Variants in TMEM178B observed in about 807,000 individuals in gnomAD.
TMEM178B encodes transmembrane protein 178B.
Under a neutral mutation model 31.0 loss-of-function variants are expected in TMEM178B, and 5 were observed. That is an observed-to-expected ratio of 0.16 (90% CI 0.08 to 0.34). TMEM178B has a LOEUF of 0.34. Ranked by LOEUF, TMEM178B falls within the 10% of genes least tolerant of loss-of-function variation. The pLI, the probability that TMEM178B is intolerant of heterozygous loss-of-function variation, is 1.00. For synonymous variants in TMEM178B, 164 were observed against 164.0 expected, an observed-to-expected ratio of 1.00 and a Z score of 0.00; for missense variants, 275 against 400.3, an observed-to-expected ratio of 0.69 and a Z score of 2.67.
Position 141,439,288 on chromosome 7 carries a change from G to C in TMEM178B, c.634+1543G>C, listed in dbSNP as rs919484295. Among the ~76,000 whole-genome samples, 3 of 152,262 alleles carry C rather than the reference G, an allele frequency of 2.0e-5. No individual in the cohort carries two copies. The South Asian group carries it at 6.2e-4, about 32-fold the overall frequency. ...AAAAACCGTCTGCTGTTAGAGTCAG[G>C]ATGCCCCATGCCAGAGCTGCCTCCT... On this transcript the variant is annotated intron_variant, in intron 3 of 3. Transcript: ENST00000565468.
At chr7:141,370,488 T>C (rs1486870523) in intron 2 of TMEM178B, among the ~76,000 whole-genome samples, 4 of 152,288 alleles carry the variant, frequency 2.6e-5, no homozygotes, top group South Asian at 4.1e-4. Flanking sequence ...ATGCAACACG[T>C]TGGGTAAAAC....
intron 3 of TMEM178B, among the ~76,000 whole-genome samples, chr7:141,469,767 G>A (rs1802205938): frequency 6.6e-6 from 1 of 152,150 alleles, no homozygotes; most frequent in Non-Finnish European, 1.5e-5. Flanking sequence ...ACCTCTTATA[G>A]CAGTTTTCTT....
chr7:141,359,261 C>A (rs937870579), intron 2 of TMEM178B, among the ~76,000 whole-genome samples: 2 of 152,226 alleles, frequency 1.3e-5, no homozygotes, highest in African/African-American at 4.8e-5. Context: ...ATGTGTTCAT[C>A]ATTTCTGCCC....
chr7:141,207,253 A>T (rs969120160), intron 1 of TMEM178B, among the ~76,000 whole-genome samples: 2 of 152,188 alleles, frequency 1.3e-5, no homozygotes, highest in African/African-American at 4.8e-5. Context: ...TAATGCTGCA[A>T]TGAACATGGG....
intron 2 of TMEM178B, among the ~76,000 whole-genome samples, chr7:141,365,046 C>G (rs952816169): frequency 2.6e-5 from 4 of 152,232 alleles, no homozygotes; most frequent in Non-Finnish European, 5.9e-5. Context: ...CATCTGTAGC[C>G]TAGTGATAGT....
the TMEM178B span, among the ~76,000 whole-genome samples, chr7:141,489,550 C>G: frequency 6.6e-6 from 1 of 152,136 alleles, no homozygotes; most frequent in Non-Finnish European, 1.5e-5. Context: ...CCTTCCTCCT[C>G]TCAATCTCCC....
At chr7:141,315,691 G>A (rs1456386202) in intron 2 of TMEM178B, among the ~76,000 whole-genome samples, 1 of 151,974 alleles carries the variant, frequency 6.6e-6, no homozygotes, top group Admixed American at 6.6e-5. Context: ...GTGATTATAA[G>A]CTCTTGAAGG....
chr7:141,400,518 T>G (rs1800741450), intron 2 of TMEM178B, among the ~76,000 whole-genome samples: 1 of 152,206 alleles, frequency 6.6e-6, no homozygotes, highest in East Asian at 1.9e-4. Flanking sequence ...TCCTCCTTGT[T>G]TGAGGCAGGG....
At chr7:141,409,075 A>C (rs1800935551) in intron 2 of TMEM178B, among the ~76,000 whole-genome samples, 1 of 152,228 alleles carries the variant, frequency 6.6e-6, no homozygotes, top group Admixed American at 6.5e-5. Context: ...ATCTCCTTCT[A>C]GAAGCAGTGG....
At position 141,461,646 on chromosome 7, in the gene TMEM178B, TC is replaced by T. The variant is rs1219077464; in HGVS notation, c.635-8889del. Reference sequence around the variant, plus strand: ...TTTCTCCACAGCGTCCATTGCTGTGTCATGACTGCCGTGGCTTCTCTGAGAA... The same window carrying T: ...TTTCTCCACAGCGTCCATTGCTGTGTATGACTGCCGTGGCTTCTCTGAGAA... On this transcript the variant is annotated intron_variant, in intron 3 of 3. Coordinates refer to ENST00000565468, the MANE Select transcript of TMEM178B (RefSeq NM_001195278.2). This position sits in a 1 kb window ranked among gnomAD's most constrained non-coding sequence, Gnocchi z 4.0. 6.6e-6 allele frequency among the ~76,000 whole-genome samples: 1 copy of T among 152,206 alleles called. No homozygotes were observed. The highest frequency in any genetic ancestry group is 2.4e-5 in the African/African-American group (1 of 41,454).
chr7:141,260,035 G>A (rs1406870328), intron 2 of TMEM178B, among the ~76,000 whole-genome samples: 1 of 151,900 alleles, frequency 6.6e-6, no homozygotes, highest in Non-Finnish European at 1.5e-5. Flanking sequence ...GGGTTATATG[G>A]GACTGTATCA....
At chr7:141,126,220 G>T (rs182717880) in intron 1 of TMEM178B, among the ~76,000 whole-genome samples, 6 of 152,310 alleles carry the variant, frequency 3.9e-5, no homozygotes, top group Non-Finnish European at 5.9e-5. Context: ...TTGGGGAGGG[G>T]ATTGGGAAGA....
At chr7:141,267,446 T>G (rs981054728) in intron 2 of TMEM178B, among the ~76,000 whole-genome samples, 1 of 152,214 alleles carries the variant, frequency 6.6e-6, no homozygotes, top group Non-Finnish European at 1.5e-5. Flanking sequence ...GAGAAGATAT[T>G]GGAGGGTGAC....
Position 141,171,964 on chromosome 7 carries a change from G to C in TMEM178B, c.383-40627G>C, listed in dbSNP as rs1412860894. ...ATTGTTGAGTACCTATTGTGTGCTA[G>C]TGCTGTGATTGCGACCATTTATTGT... On this transcript the variant is annotated intron_variant, in intron 1 of 3. Coordinates refer to ENST00000565468, the MANE Select transcript of TMEM178B (RefSeq NM_001195278.2). The surrounding 1 kb of genome is among the most constrained non-coding windows in gnomAD (Gnocchi z 4.3). 6.6e-6 allele frequency among the ~76,000 whole-genome samples: 1 copy of C among 152,204 alleles called. No homozygotes were observed. The highest frequency in any genetic ancestry group is 2.4e-5 in the African/African-American group (1 of 41,450).
At chr7:141,416,536 A>G (rs1801099699) in intron 2 of TMEM178B, 1 of 152,282 alleles carries the variant, frequency 6.6e-6, no homozygotes, top group Admixed American at 6.5e-5. Context: ...TATTTTACCC[A>G]TCATACTTTA....
At chr7:141,341,894 A>C (rs1057092871) in intron 2 of TMEM178B, among the ~76,000 whole-genome samples, 1 of 152,194 alleles carries the variant, frequency 6.6e-6, no homozygotes, top group African/African-American at 2.4e-5. Context: ...TTCAGAAATT[A>C]GTTTTGACTT....
At chr7:141,093,549 C>G (rs1794911927) in intron 1 of TMEM178B, among the ~76,000 whole-genome samples, 1 of 152,090 alleles carries the variant, frequency 6.6e-6, no homozygotes, top group Non-Finnish European at 1.5e-5. Context: ...GCTCATGGTA[C>G]TGGAAGTTGT....
intron 2 of TMEM178B, among the ~76,000 whole-genome samples, chr7:141,359,042 G>C (rs1799871839): frequency 1.3e-5 from 2 of 152,088 alleles, no homozygotes; most frequent in Non-Finnish European, 2.9e-5. Flanking sequence ...CCATTGCTTT[G>C]ATAACTAAAA....
intron 3 of TMEM178B, among the ~76,000 whole-genome samples, chr7:141,442,436 T>C (rs1801678249): frequency 6.6e-6 from 1 of 152,222 alleles, no homozygotes; most frequent in Admixed American, 6.5e-5. Context: ...CCACTGTCAA[T>C]GGCCCAATAG....
Sources: gnomAD v4.1 joint callset for allele counts (sites outside exome capture counted in the v4.1 genomes callset) on GRCh38, gnomAD v4.1.1 for gene constraint, Gnocchi (gnomAD v3.1) non-coding constraint, MANE v1.5 for transcripts, NCBI Gene and HGNC (gene_info 2026-07-23, HGNC 2026-07-21) for gene names.